The following NEURL1 variants were observed in gnomAD, a reference collection of about 807,000 sequenced individuals.
NEURL1 encodes E3 ubiquitin-protein ligase NEURL1.
In NEURL1, 26 loss-of-function variants were observed where a neutral mutation model predicts 41.2. The ratio of observed to expected loss-of-function variants is 0.63; its 90% CI spans 0.46 to 0.87. The LOEUF (loss-of-function observed/expected upper bound fraction) is 0.87, where lower values mean the gene tolerates loss of function less well. Among genes scored for constraint, NEURL1 ranks in the 40% least tolerant of loss-of-function variants. NEURL1 has a pLI of 0.00. For synonymous variants in NEURL1, 400 were observed against 402.3 expected, an observed-to-expected ratio of 0.99 and a Z score of 0.07; for missense variants, 761 against 871.1, an observed-to-expected ratio of 0.87 and a Z score of 1.59.
chr10:103,556,499 G>A lies in NEURL1; in HGVS notation c.86-14373G>A, dbSNP rs1017932244. On this transcript the variant is annotated intron_variant, in intron 1 of 5. Transcript: ENST00000369780. The surrounding 1 kb of genome is among the most constrained non-coding windows in gnomAD (Gnocchi z 4.4). ...AGGAGCCTGGGAGAGGCTCAGGAAG[G>A]AAGGAGGGTGGTGGCAGGAGCGCAT... is the stretch of plus-strand genomic sequence containing the variant. Among the ~76,000 whole-genome samples, 3 of 152,180 alleles carry A rather than the reference G, an allele frequency of 2.0e-5. No individual in the cohort carries two copies. Among genetic ancestry groups the A allele is most frequent in the African/African-American group, 7.2e-5 (3 of 41,450 alleles).
chr10:103,498,088 G>A (rs1257212322), intron 1 of NEURL1, among the ~76,000 whole-genome samples: 1 of 152,182 alleles, frequency 6.6e-6, no homozygotes, highest in East Asian at 1.9e-4. Flanking sequence ...TGGAAGTTAT[G>A]TATATATTTT....
intron 1 of NEURL1, among the ~76,000 whole-genome samples, chr10:103,512,930 G>C (rs1000596395): frequency 6.6e-6 from 1 of 151,932 alleles, no homozygotes. Flanking sequence ...AGGTGGTGGG[G>C]GCCCCTAGGG....
chr10:103,519,788 T>TC (rs1331821155), intron 1 of NEURL1, among the ~76,000 whole-genome samples: 1 of 151,872 alleles, frequency 6.6e-6, no homozygotes, highest in African/African-American at 2.4e-5. Flanking sequence ...TGTTGTTGTT[T>TC]CTTTTTTTTT....
At chr10:103,523,148 C>T (rs2034390703) in intron 1 of NEURL1, among the ~76,000 whole-genome samples, 1 of 152,080 alleles carries the variant, frequency 6.6e-6, no homozygotes, top group Admixed American at 6.5e-5. Context: ...CAAATCCACT[C>T]TCCTAGCTAT....
chr10:103,583,876 A>G (rs1312347314), intron 3 of NEURL1, among the ~76,000 whole-genome samples: 1 of 151,818 alleles, frequency 6.6e-6, no homozygotes, highest in African/African-American at 2.4e-5. Context: ...TCTACAAAAT[A>G]CCGTTTTATA....
intron 1 of NEURL1, among the ~76,000 whole-genome samples, chr10:103,569,172 A>C (rs1397352463): frequency 6.6e-6 from 1 of 152,184 alleles, no homozygotes; most frequent in African/African-American, 2.4e-5. Context: ...TTTGATAAAA[A>C]ATGGAAGGAG....
intron 1 of NEURL1, among the ~76,000 whole-genome samples, chr10:103,564,295 T>C (rs1305506685): frequency 6.6e-6 from 1 of 152,046 alleles, no homozygotes; most frequent in African/African-American, 2.4e-5. Flanking sequence ...CTGAGGAGGG[T>C]GCCCCCACTG....
At chr10:103,537,760 A>G (rs1310811348) in intron 1 of NEURL1, among the ~76,000 whole-genome samples, 1 of 152,198 alleles carries the variant, frequency 6.6e-6, no homozygotes, top group Non-Finnish European at 1.5e-5. Flanking sequence ...AATATACTGC[A>G]CATATTTAAA....
chr10:103,563,237 T>C (rs1490363560), intron 1 of NEURL1, among the ~76,000 whole-genome samples: 1 of 152,212 alleles, frequency 6.6e-6, no homozygotes, highest in Non-Finnish European at 1.5e-5. Context: ...GTGTTAAAGT[T>C]TGCAAAATTC....
chr10:103,559,899 CACACACACA>C (rs1564821765), intron 1 of NEURL1, among the ~76,000 whole-genome samples: 2 of 151,684 alleles, frequency 1.3e-5, no homozygotes, highest in Admixed American at 6.6e-5. Flanking sequence ...CACATGCATG[CACACACACA>C]ACACACACAT....
At chr10:103,537,684 G>A (rs1461774245) in intron 1 of NEURL1, among the ~76,000 whole-genome samples, 1 of 152,152 alleles carries the variant, frequency 6.6e-6, no homozygotes, top group Non-Finnish European at 1.5e-5. Context: ...GTGAGCCACC[G>A]CGGCTGGCTT....
chr10:103,576,586 C>T (rs2133880529), intron 3 of NEURL1, among the ~76,000 whole-genome samples: 1 of 152,296 alleles, frequency 6.6e-6, no homozygotes, highest in East Asian at 1.9e-4. Flanking sequence ...CCTGCCCAAA[C>T]TCTCCCAGCT....
At chr10:103,582,728 T>TA in intron 3 of NEURL1, among the ~76,000 whole-genome samples, 1 of 152,306 alleles carries the variant, frequency 6.6e-6, no homozygotes, top group Middle Eastern at 3.4e-3. Flanking sequence ...ACCCCAGCCA[T>TA]CCTTAACCCA....
chr10:103,550,840 T>C (rs1159502932), intron 1 of NEURL1: 1 of 152,208 alleles, frequency 6.6e-6, no homozygotes, highest in Non-Finnish European at 1.5e-5. Flanking sequence ...TAAGCCTCAG[T>C]TTTATAGCCC....
intron 1 of NEURL1, among the ~76,000 whole-genome samples, chr10:103,533,877 G>T (rs566779201): frequency 2.9e-4 from 44 of 151,208 alleles, no homozygotes; most frequent in African/African-American, 1.0e-3. Flanking sequence ...CTCCATGTTG[G>T]TCAGGCTGGT....
intron 1 of NEURL1, among the ~76,000 whole-genome samples, chr10:103,559,845 C>CACACACACACATATGTGT (rs2035244046): frequency 6.9e-6 from 1 of 144,008 alleles, no homozygotes; most frequent in Non-Finnish European, 1.5e-5. Flanking sequence ...CACATATGTG[C>CACACACACACATATGTGT]GCACACACAC....
At chr10:103,544,684 C>T (rs748078378) in intron 1 of NEURL1, among the ~76,000 whole-genome samples, 3 of 152,208 alleles carry the variant, frequency 2.0e-5, no homozygotes, top group Non-Finnish European at 4.4e-5. Flanking sequence ...ACAAAGAGCT[C>T]TCTTCCCCAG....
chr10:103,538,618 G>A (rs1335747767), intron 1 of NEURL1, among the ~76,000 whole-genome samples: 2 of 150,862 alleles, frequency 1.3e-5, no homozygotes, highest in African/African-American at 4.9e-5. Context: ...CCACTGATGA[G>A]CATTTTTTCT....
Position 103,545,595 on chromosome 10 carries a change from C to T in NEURL1, c.86-25277C>T, listed in dbSNP as rs530517862. Among the ~76,000 whole-genome samples, 7 of 152,162 alleles carry T rather than the reference C, an allele frequency of 4.6e-5. No individual in the cohort carries two copies. The highest frequency in any genetic ancestry group is 8.8e-5 in the Non-Finnish European group (6 of 68,036). ...TGGCATGGCCGGTGTCCTCTGGGCT[C>T]TAGGTCATGGCCCATAGTGGTAGGC... is the stretch of plus-strand genomic sequence containing the variant. On this transcript the variant is annotated intron_variant, in intron 1 of 5. Coordinates refer to ENST00000369780, the MANE Select transcript of NEURL1 (RefSeq NM_004210.5). This position sits in a 1 kb window ranked among gnomAD's most constrained non-coding sequence, Gnocchi z 4.5.
Sources: allele counts gnomAD v4.1 joint callset (sites outside exome capture counted in the v4.1 genomes callset), GRCh38; gene constraint gnomAD v4.1.1; non-coding constraint Gnocchi (gnomAD v3.1); transcripts MANE v1.5; gene names NCBI Gene and HGNC (gene_info 2026-07-23, HGNC 2026-07-21).